Variants in EBF1 observed in about 807,000 individuals in gnomAD.
EBF1 encodes the protein transcription factor COE1.
EBF1 carries 10 observed loss-of-function variants against 68.4 expected under a neutral mutation model. The ratio of observed to expected loss-of-function variants is 0.15; its 90% confidence interval spans 0.09 to 0.25. The LOEUF is 0.25. EBF1 is among the 10% of genes least tolerant of loss of function. EBF1 has a pLI of 1.00. For missense variants in EBF1, 509 were observed against 794.4 expected (o/e 0.64, Z 4.32); for synonymous variants, 298 against 299.8 (o/e 0.99, Z 0.06).
intron 6 of EBF1, among the ~76,000 whole-genome samples, chr5:158,936,504 G>A (rs1812047947): frequency 2.0e-5 from 3 of 152,196 alleles, no homozygotes; most frequent in Admixed American, 6.5e-5. Flanking sequence ...TGGCACATAT[G>A]AGTGCACCAT....
chr5:158,859,968 T>G (rs1311723291), intron 6 of EBF1, among the ~76,000 whole-genome samples: 1 of 152,232 alleles, frequency 6.6e-6, no homozygotes, highest in African/African-American at 2.4e-5. Context: ...CAATGTTTAG[T>G]AGAATCTTGT....
rs550516803 is a variant in EBF1 at position 158,899,181 on chromosome 5, T to C, written c.555-59071A>G. 2.0e-5 allele frequency among the ~76,000 whole-genome samples: 3 copies of C among 152,360 alleles called. No homozygotes were observed. The East Asian group carries it at 5.8e-4, about 29-fold the overall frequency. The stretch of plus-strand genomic sequence containing the variant: ...AAACAGTTTCTGCCTTGCATATGCC[T>C]AGAAAATATTGCAATTACTTGTGAG... On this transcript the variant is annotated intron_variant, in intron 6 of 15. Coordinates refer to ENST00000313708, the MANE Select transcript of EBF1 (RefSeq NM_024007.5).
intron 10 of EBF1, among the ~76,000 whole-genome samples, chr5:158,760,533 A>G (rs1186879642): frequency 6.6e-6 from 1 of 152,196 alleles, no homozygotes; most frequent in Non-Finnish European, 1.5e-5. Context: ...AAGGCAATAT[A>G]GATTTCTGAG....
rs150986992 is a variant in EBF1, at chr5:158,974,431, A to C, written c.554+98965T>G. ...AACTCTGAACTGTCTCACTTGGATGATCTGTCTAAATTTCAATTGTTTTGC... is the reference window on the plus strand; with the variant it reads ...AACTCTGAACTGTCTCACTTGGATGCTCTGTCTAAATTTCAATTGTTTTGC... On this transcript the variant is annotated intron_variant, in intron 6 of 15. Coordinates refer to ENST00000313708, the MANE Select transcript of EBF1 (RefSeq NM_024007.5). Among the ~76,000 whole-genome samples, 395 of 152,278 alleles carry C rather than the reference A, an allele frequency of 2.6e-3. 1 individual carries two copies. The highest frequency in any genetic ancestry group is 6.8e-3 in the Middle Eastern group (2 of 294).
At chr5:158,925,964 C>T (rs1334298986) in intron 6 of EBF1, among the ~76,000 whole-genome samples, 1 of 152,072 alleles carries the variant, frequency 6.6e-6, no homozygotes, top group Non-Finnish European at 1.5e-5. Context: ...TTGGTGGGCT[C>T]TAAAAAGAAA....
chr5:158,885,015 A>G (rs1435414909), intron 6 of EBF1, among the ~76,000 whole-genome samples: 3 of 152,228 alleles, frequency 2.0e-5, no homozygotes, highest in Admixed American at 2.0e-4. Context: ...TGCTCCAGGC[A>G]GCAGATGCAG....
chr5:158,712,428 C>G, intron 13 of EBF1, 95 bp from the exon 14 acceptor site: 3 of 1,402,598 alleles, frequency 2.1e-6, no homozygotes, highest in Non-Finnish European at 2.0e-6. Flanking sequence ...TTTCTGGCCC[C>G]GTCGCCGCAA....
chr5:159,011,236 G>T (rs558531627), intron 6 of EBF1, among the ~76,000 whole-genome samples: 2 of 152,292 alleles, frequency 1.3e-5, no homozygotes, highest in East Asian at 1.9e-4. Flanking sequence ...GGTACCCAGG[G>T]TATCTGATTT....
At chr5:158,730,866 C>T (rs1763952352) in intron 11 of EBF1, among the ~76,000 whole-genome samples, 1 of 152,122 alleles carries the variant, frequency 6.6e-6, no homozygotes, top group Non-Finnish European at 1.5e-5. Flanking sequence ...GATAAAATGG[C>T]ATAACAGATA....
At chr5:158,735,127 T>A (rs1173701692) in intron 10 of EBF1, among the ~76,000 whole-genome samples, 1 of 152,128 alleles carries the variant, frequency 6.6e-6, no homozygotes, top group Admixed American at 6.5e-5. Context: ...TGTCACAACA[T>A]CATAAGCCCT....
Position 158,774,007 on chromosome 5 carries a change from T to C in EBF1, c.1036+3406A>G, listed in dbSNP as rs550995997. ...TTTCCTTCTCTTAGAAAACATTTATTGAAAATTAAAGTCAGCCTTGCCCTA... is the reference window on the plus strand; with the variant it reads ...TTTCCTTCTCTTAGAAAACATTTATCGAAAATTAAAGTCAGCCTTGCCCTA... On this transcript the variant is annotated intron_variant, in intron 10 of 15. Transcript: ENST00000313708. Among the ~76,000 whole-genome samples, 8 of 152,308 alleles carry C rather than the reference T, an allele frequency of 5.3e-5. No individual in the cohort carries two copies. The South Asian group carries it at 1.7e-3, about 32-fold the overall frequency.
chr5:158,753,168 T>G (rs1348636091), intron 10 of EBF1, among the ~76,000 whole-genome samples: 4 of 152,154 alleles, frequency 2.6e-5, no homozygotes, highest in South Asian at 4.1e-4. Flanking sequence ...GATAATATAA[T>G]TGAGCTAGTC....
intron 6 of EBF1, among the ~76,000 whole-genome samples, chr5:158,857,377 GC>G (rs1794238970): frequency 6.6e-6 from 1 of 151,896 alleles, no homozygotes; most frequent in South Asian, 2.1e-4. Context: ...TTATTATGTT[GC>G]AAAATATCAA....
At chr5:158,906,494 T>C (rs1415020119) in intron 6 of EBF1, among the ~76,000 whole-genome samples, 2 of 152,116 alleles carry the variant, frequency 1.3e-5, no homozygotes, top group Non-Finnish European at 2.9e-5. Context: ...TCAGTGTTTA[T>C]TATGTGTGGA....
intron 6 of EBF1, among the ~76,000 whole-genome samples, chr5:159,020,958 G>A (rs884119): frequency 0.016 from 2,368 of 152,292 alleles, 46 homozygotes; most frequent in African/African-American, 0.046. Context: ...CAACCTACCT[G>A]TTCTTATTTG....
chr5:158,743,558 A>G (rs1766906892), intron 10 of EBF1, among the ~76,000 whole-genome samples: 2 of 152,252 alleles, frequency 1.3e-5, no homozygotes, highest in African/African-American at 4.8e-5. Flanking sequence ...TCTTAAAGGC[A>G]GCATTATTGT....
intron 6 of EBF1, among the ~76,000 whole-genome samples, chr5:158,908,740 G>A (rs1805211314): frequency 6.6e-6 from 1 of 152,214 alleles, no homozygotes; most frequent in African/African-American, 2.4e-5. Context: ...TGTTCCAACT[G>A]GAGCCAGGAA....
intron 6 of EBF1, among the ~76,000 whole-genome samples, chr5:159,028,552 T>C (rs914428406): frequency 1.3e-5 from 2 of 151,826 alleles, no homozygotes; most frequent in Non-Finnish European, 2.9e-5. Flanking sequence ...CGGGTGGGGG[T>C]GAAGGAGTCA....
chr5:158,792,959 G>A (rs1778941681), intron 9 of EBF1, among the ~76,000 whole-genome samples: 1 of 152,140 alleles, frequency 6.6e-6, no homozygotes, highest in Non-Finnish European at 1.5e-5. Context: ...TCATGGCAAT[G>A]TGAGCCTATC....
Sources: gnomAD v4.1 joint callset for allele counts (sites outside exome capture counted in the v4.1 genomes callset) on GRCh38, gnomAD v4.1.1 for gene constraint, MANE v1.5 for transcripts, NCBI Gene and HGNC (gene_info 2026-07-23, HGNC 2026-07-21) for gene names.